Variants in PSMC3 observed in about 807,000 individuals in gnomAD.
The protein encoded by PSMC3 is proteasome 26S subunit, ATPase 3.
A neutral mutation model predicts 52.0 loss-of-function variants in PSMC3; 11 were observed. The ratio of observed to expected loss-of-function variants is 0.21; its 90% CI spans 0.13 to 0.35. The LOEUF is 0.35. PSMC3 is among the 10% of genes least tolerant of loss of function. The pLI is 1.00. For missense variants in PSMC3, 238 were observed against 567.1 expected (o/e 0.42, Z 5.89); for synonymous variants, 201 against 218.8 (o/e 0.92, Z 0.72).
At chr11:47,420,138 T>G in intron 10 of PSMC3, 126 bp downstream of exon 10, 3 of 1,130,052 alleles carry the variant, frequency 2.7e-6, no homozygotes, top group Non-Finnish European at 3.9e-6. Flanking sequence ...GGAACGGTGC[T>G]GTGTGTGCCT....
intron 10 of PSMC3, 147 bp downstream of exon 10, chr11:47,420,117 G>T: frequency 1.1e-6 from 1 of 939,752 alleles, no homozygotes. Context: ...GAGAAACGGA[G>T]GCTGGCGTGT....
chr11:47,425,037 A>C, intron 3 of PSMC3, 84 bp downstream of exon 3: 3 of 1,582,136 alleles, frequency 1.9e-6, no homozygotes, highest in Non-Finnish European at 2.6e-6. Flanking sequence ...CAATACCTCC[A>C]CCCACTCTTT....
In PSMC3 at chr11:47,426,318, G is replaced by C. The variant is rs1287722672; in HGVS notation, c.-39C>G. 3 of 1,503,302 alleles carry C rather than the reference G, an allele frequency of 2.0e-6. No individual in the cohort carries two copies. Among genetic ancestry groups the C allele is most frequent in the Non-Finnish European group, 2.7e-6 (3 of 1,108,858 alleles). 93.1% of individuals were successfully genotyped at this position (1,503,302 alleles called of 1,614,324 possible). ...GGGCAGAAGATGGGACCAGGCGGGA[G>C]CCGCAACGGGAGATTAATACCGTCT... is the stretch of plus-strand genomic sequence containing the variant. On this transcript the variant is annotated 5_prime_UTR_variant, in exon 1 of 12. Transcript: ENST00000298852.
Position 47,426,407 on chromosome 11 carries a change from C to G in PSMC3, c.-128G>C. The G allele has an allele frequency of 1.3e-6, 1 of 769,486 alleles. No individual in the cohort carries two copies. Among genetic ancestry groups the G allele is most frequent in the Non-Finnish European group, 2.0e-6 (1 of 508,610 alleles). 47.7% of individuals were successfully genotyped at this position (769,486 alleles called of 1,614,324 possible). On this transcript the variant is annotated 5_prime_UTR_variant, in exon 1 of 12. Transcript: ENST00000298852. Reference sequence around the variant, plus strand: ...CCACAAATCCCGACTCTTGACCCGACCAGCTCCGGCCGTGCTGCGGAGCAG... The same window carrying G: ...CCACAAATCCCGACTCTTGACCCGAGCAGCTCCGGCCGTGCTGCGGAGCAG...
chr11:47,419,281 G>A (rs913098384), intron 10 of PSMC3, 84 bp from the exon 11 acceptor site: 1 of 1,448,524 alleles, frequency 6.9e-7, no homozygotes, highest in Non-Finnish European at 9.6e-7. Flanking sequence ...GCCCCGTCAA[G>A]CAACAAAGTC....
rs2096041132 is a variant in PSMC3, at chr11:47,422,023, G to T, written c.884+551C>A. ...ATGTGAGCGAGGTGGCCAGATTCCT[G>T]CTTTGGCTTTTTTTGTTTTGTTTTC... is the stretch of plus-strand genomic sequence containing the variant. On this transcript the variant is annotated intron_variant, in intron 8 of 11. Transcript: ENST00000298852. The surrounding 1 kb of genome is among the most constrained non-coding windows in gnomAD (Gnocchi z 4.3). 2.1e-5 allele frequency among the ~76,000 whole-genome samples: 2 copies of T among 94,730 alleles called. No individual in the cohort carries two copies. Among genetic ancestry groups the T allele is most frequent in the South Asian group, 7.8e-4 (2 of 2,570 alleles). 62.1% of individuals were successfully genotyped at this position (94,730 alleles called of 152,430 possible). A position where few individuals can be genotyped will look rare whatever the true frequency, so the allele number is the denominator to read the frequency against.
intron 9 of PSMC3, 70 bp from the exon 10 acceptor site, chr11:47,420,479 CAGAG>C: frequency 2.6e-6 from 4 of 1,564,122 alleles, no homozygotes; most frequent in Non-Finnish European, 3.5e-6. Flanking sequence ...TCAAAAAAGG[CAGAG>C]AGGCAGCCCC....
At chr11:47,420,161 G>A in intron 10 of PSMC3, 103 bp downstream of exon 10, 13 of 1,371,240 alleles carry the variant, frequency 9.5e-6, no homozygotes, top group Non-Finnish European at 1.2e-5. Flanking sequence ...GGCCTGGGAG[G>A]TGGTGGTCGT....
chr11:47,420,004 T>C (rs1189978683), intron 10 of PSMC3, among the ~76,000 whole-genome samples: 1 of 152,078 alleles, frequency 6.6e-6, no homozygotes, highest in Admixed American at 6.6e-5. Context: ...GGAAACTAAG[T>C]GCCTCCAGCC....
At position 47,422,994 on chromosome 11, in the gene PSMC3, G is replaced by T; in HGVS notation, c.592-21C>A. The T allele has an allele frequency of 6.3e-7, 1 of 1,594,784 alleles. No individual in the cohort carries two copies. The highest frequency in any genetic ancestry group is 1.7e-5 in the Admixed American group (1 of 57,408). On this transcript the variant is annotated intron_variant, in intron 6 of 11. Coordinates refer to ENST00000298852, the MANE Select transcript of PSMC3 (RefSeq NM_002804.5). This position sits in a 1 kb window ranked among gnomAD's most constrained non-coding sequence, Gnocchi z 4.3. ...ACCAGCTGCCAGGAGGAAGTCCTGGGTGAGGAGATGAAGCCCTGAGGGCTT... is the reference window on the plus strand; with the variant it reads ...ACCAGCTGCCAGGAGGAAGTCCTGGTTGAGGAGATGAAGCCCTGAGGGCTT...
chr11:47,423,904 C>T, intron 6 of PSMC3, 142 bp downstream of exon 6: 2 of 1,181,544 alleles, frequency 1.7e-6, no homozygotes, highest in Non-Finnish European at 2.4e-6. Flanking sequence ...GCTTCAGTCT[C>T]CTCACCTGTC....
At position 47,425,250 on chromosome 11, in the gene PSMC3, A is replaced by T. The variant is rs767141069; in HGVS notation, c.160-4T>A. 6.2e-7 allele frequency: 1 copy of T among 1,613,976 alleles called. No homozygotes were observed. The highest frequency in any genetic ancestry group is 2.2e-5 in the East Asian group (1 of 44,876). ...TCAACACTTCACTCTTCATGATCTG[A>T]GATCAGGAGGGGAGGAGAAGCAAAT... On this transcript the variant is annotated splice_region_variant and splice_polypyrimidine_tract_variant and intron_variant, in intron 2 of 11. Coordinates refer to ENST00000298852, the MANE Select transcript of PSMC3 (RefSeq NM_002804.5).
rs750578888 is a variant in PSMC3, at chr11:47,422,760, A to C, written c.736-38T>G. The C allele has an allele frequency of 1.1e-5, 17 of 1,611,946 alleles. No individual in the cohort carries two copies. In the South Asian group the frequency reaches 1.1e-4, roughly 10 times the overall value. On this transcript the variant is annotated intron_variant, in intron 7 of 11. Transcript: ENST00000298852. The surrounding 1 kb of genome is among the most constrained non-coding windows in gnomAD (Gnocchi z 4.3). ...GGTGGTAGAGTCAGGTCAAAGGCAG[A>C]CCCTTTGAGCCCATCTGGTAGAGTT...
At chr11:47,425,282 C>T (rs1332894927) in intron 2 of PSMC3, 36 bp from the exon 3 acceptor site, 3 of 1,612,592 alleles carry the variant, frequency 1.9e-6, no homozygotes, top group East Asian at 2.2e-5. Flanking sequence ...AAATATAAAC[C>T]CTGGCACAGC....
intron 10 of PSMC3, 56 bp downstream of exon 10, chr11:47,420,208 G>T: frequency 6.3e-7 from 1 of 1,592,630 alleles, no homozygotes; most frequent in Non-Finnish European, 8.6e-7. Context: ...AAGCATGGCA[G>T]AGACATCCTC....
intron 6 of PSMC3, among the ~76,000 whole-genome samples, chr11:47,423,385 G>A (rs1264479124): frequency 6.6e-6 from 1 of 150,944 alleles, no homozygotes; most frequent in Non-Finnish European, 1.5e-5. Flanking sequence ...AGCCTGAGCG[G>A]CAGAGCAAGA....
In PSMC3 at chr11:47,426,405, G is replaced by C; in HGVS notation, c.-126C>G. The C allele has an allele frequency of 2.5e-6, 2 of 794,468 alleles. No homozygotes were observed. Among genetic ancestry groups the C allele is most frequent in the South Asian group, 4.3e-5 (2 of 46,458 alleles). The allele number at this position is 794,468 out of a possible 1,614,324, so 49.2% of individuals were successfully genotyped here. On this transcript the variant is annotated 5_prime_UTR_variant, in exon 1 of 12. Coordinates refer to ENST00000298852, the MANE Select transcript of PSMC3 (RefSeq NM_002804.5). The stretch of plus-strand genomic sequence containing the variant: ...CCCCACAAATCCCGACTCTTGACCC[G>C]ACCAGCTCCGGCCGTGCTGCGGAGC...
chr11:47,422,428 A>G lies in PSMC3; in HGVS notation c.884+146T>C. 1.1e-6 allele frequency: 1 copy of G among 942,058 alleles called. No individual in the cohort carries two copies. 58.4% of individuals were successfully genotyped at this position (942,058 alleles called of 1,614,324 possible). On this transcript the variant is annotated intron_variant, in intron 8 of 11. Coordinates refer to ENST00000298852, the MANE Select transcript of PSMC3 (RefSeq NM_002804.5). This position sits in a 1 kb window ranked among gnomAD's most constrained non-coding sequence, Gnocchi z 4.3. ...GGAGGCTATTGATCAGGAGTTAGGAATTGGAATCTCAAGAGTTGAGGAGCC... is the reference window on the plus strand; with the variant it reads ...GGAGGCTATTGATCAGGAGTTAGGAGTTGGAATCTCAAGAGTTGAGGAGCC...
rs193175420 is a variant in PSMC3, at chr11:47,420,199, A to G, written c.1127+65T>C. ...AGGCTGGGGAAGATCAGTACAGAGA[A>G]GCATGGCAGAGACATCCTCCTGCGC... On this transcript the variant is annotated intron_variant, in intron 10 of 11. Transcript: ENST00000298852. 8.9e-4 allele frequency: 1,401 copies of G among 1,577,938 alleles called. 1 individual carries two copies. The highest frequency in any genetic ancestry group is 1.1e-3 in the Non-Finnish European group (1,270 of 1,151,634).
Sources: allele counts gnomAD v4.1 joint callset (sites outside exome capture counted in the v4.1 genomes callset), GRCh38; gene constraint gnomAD v4.1.1; non-coding constraint Gnocchi (gnomAD v3.1); transcripts MANE v1.5; gene names NCBI Gene and HGNC (gene_info 2026-07-23, HGNC 2026-07-21).